The following MACROD2 variants were observed in gnomAD, a reference collection of about 807,000 sequenced individuals.
MACROD2 encodes the protein mono-ADP ribosylhydrolase 2.
In MACROD2, 36 loss-of-function variants were observed where a neutral mutation model predicts 70.4. The observed-to-expected ratio is 0.51, with a 90% CI of 0.39 to 0.68. The LOEUF (loss-of-function observed/expected upper bound fraction) is 0.68. Ranked by LOEUF, MACROD2 falls within the 30% of genes least tolerant of loss-of-function variation. MACROD2 has a pLI of 0.00. For missense variants in MACROD2, 496 were observed against 538.4 expected, an observed-to-expected ratio of 0.92 and a Z score of 0.78; for synonymous variants, 172 against 178.8, an observed-to-expected ratio of 0.96 and a Z score of 0.30.
chr20:14,818,533 T>C (rs748256362), intron 5 of MACROD2, among the ~76,000 whole-genome samples: 2 of 152,004 alleles, frequency 1.3e-5, no homozygotes, highest in Non-Finnish European at 2.9e-5. Flanking sequence ...ATTCAGATGA[T>C]TTCAAGATTT....
At chr20:15,590,172 C>T (rs2048658477) in intron 8 of MACROD2, among the ~76,000 whole-genome samples, 1 of 152,156 alleles carries the variant, frequency 6.6e-6, no homozygotes. Context: ...AATATTGTTA[C>T]TTTCAGCACT....
At chr20:15,961,322 A>G (rs2066057961) in intron 12 of MACROD2, among the ~76,000 whole-genome samples, 1 of 152,122 alleles carries the variant, frequency 6.6e-6, no homozygotes, top group African/African-American at 2.4e-5. Flanking sequence ...TCAACATAGT[A>G]TCTCCCACAA....
At position 15,843,360 on chromosome 20, in the gene MACROD2, T is replaced by C. The variant is rs141365736; in HGVS notation, c.646-19385T>C. The stretch of plus-strand genomic sequence containing the variant: ...TTGTAAATGTGCACTGTGAGCAGAG[T>C]GACATTTTTCATGTGGATGGTTTAT... On this transcript the variant is annotated intron_variant, in intron 8 of 17. Transcript: ENST00000684519. Among the ~76,000 whole-genome samples the C allele has an allele frequency of 3.0e-3, 455 of 152,220 alleles. 4 individuals carry two copies. The highest frequency in any genetic ancestry group is 0.01 in the African/African-American group (430 of 41,550).
intron 5 of MACROD2, among the ~76,000 whole-genome samples, chr20:14,852,952 T>C (rs1428076084): frequency 6.6e-6 from 1 of 152,046 alleles, no homozygotes; most frequent in Non-Finnish European, 1.5e-5. Flanking sequence ...CATAATCTCT[T>C]TGGGGAAGCA....
intron 8 of MACROD2, among the ~76,000 whole-genome samples, chr20:15,844,045 A>C (rs1253401910): frequency 6.6e-6 from 1 of 151,780 alleles, no homozygotes; most frequent in Non-Finnish European, 1.5e-5. Flanking sequence ...CCAAACATCT[A>C]GCATGCCTGC....
chr20:16,001,660 T>C (rs1048334072), intron 15 of MACROD2, among the ~76,000 whole-genome samples: 2 of 152,330 alleles, frequency 1.3e-5, no homozygotes, highest in East Asian at 3.9e-4. Context: ...AGATATTTCT[T>C]CTGAAAGAAA....
intron 4 of MACROD2, among the ~76,000 whole-genome samples, chr20:14,680,598 G>A (rs1399539350): frequency 2.6e-5 from 4 of 152,100 alleles, no homozygotes; most frequent in East Asian, 1.9e-4. Context: ...AGAATCTAAA[G>A]CCTCTACCAT....
chr20:15,122,953 GGTA>G (rs2076041406), intron 5 of MACROD2, among the ~76,000 whole-genome samples: 1 of 152,156 alleles, frequency 6.6e-6, no homozygotes, highest in African/African-American at 2.4e-5. Flanking sequence ...AGTGTGAGTA[GGTA>G]ATATCATGTT....
At chr20:15,423,714 C>A (rs920544707) in intron 6 of MACROD2, among the ~76,000 whole-genome samples, 3 of 152,122 alleles carry the variant, frequency 2.0e-5, no homozygotes, top group African/African-American at 7.2e-5. Flanking sequence ...CCCTAATTAC[C>A]TCCCAAAGGC....
intron 4 of MACROD2, among the ~76,000 whole-genome samples, chr20:14,577,299 C>T (rs1980662527): frequency 6.6e-6 from 1 of 152,134 alleles, no homozygotes; most frequent in South Asian, 2.1e-4. Context: ...TATGCTCAAC[C>T]TTGAGAAAAA....
chr20:14,725,518 A>AG (rs1322619207), intron 5 of MACROD2, among the ~76,000 whole-genome samples: 3 of 152,158 alleles, frequency 2.0e-5, no homozygotes, highest in Non-Finnish European at 4.4e-5. Context: ...GCTCATATAT[A>AG]GTAGCTTCTC....
chr20:14,318,101 A>G (rs1181821015), intron 3 of MACROD2, among the ~76,000 whole-genome samples: 1 of 152,220 alleles, frequency 6.6e-6, no homozygotes, highest in East Asian at 1.9e-4. Context: ...GCGAGTTTCC[A>G]GCAGTGATTC....
At chr20:14,687,358 T>C (rs999248181) in intron 5 of MACROD2, among the ~76,000 whole-genome samples, 6 of 152,216 alleles carry the variant, frequency 3.9e-5, no homozygotes, top group Non-Finnish European at 1.5e-5. Context: ...ACTGTGATAA[T>C]TTTTTAAATG....
intron 5 of MACROD2, among the ~76,000 whole-genome samples, chr20:15,017,253 A>G (rs2075128753): frequency 6.6e-6 from 1 of 152,198 alleles, no homozygotes; most frequent in Non-Finnish European, 1.5e-5. Context: ...CAAAGGGGTT[A>G]CAGGGCTCAT....
At chr20:15,168,046 T>C (rs115561456) in intron 5 of MACROD2, among the ~76,000 whole-genome samples, 2,581 of 152,286 alleles carry the variant, frequency 0.017, 24 homozygotes, top group Middle Eastern at 0.071. Flanking sequence ...ATAGCATGAC[T>C]AGGTAAACTG....
At chr20:15,885,737 T>C in intron 9 of MACROD2, 27 bp from the exon 10 acceptor site, 1 of 1,466,158 alleles carries the variant, frequency 6.8e-7, no homozygotes, top group Non-Finnish European at 9.1e-7. Flanking sequence ...TATAAGTATT[T>C]CTTTATGTTT....
Position 14,092,845 on chromosome 20 carries a change from C to T in MACROD2, c.271+7117C>T, listed in dbSNP as rs373268060. Among the ~76,000 whole-genome samples the T allele has an allele frequency of 1.8e-3, 278 of 152,264 alleles. 4 individuals are homozygous for T. The South Asian group carries it at 0.025, about 14-fold the overall frequency. ...CTACTGAATGGATTTAATACTACTG[C>T]TGTCTTTTCTGAGAGAACTCAGGTT... is the stretch of plus-strand genomic sequence containing the variant. On this transcript the variant is annotated intron_variant, in intron 3 of 17. Coordinates refer to ENST00000684519, the MANE Select transcript of MACROD2 (RefSeq NM_001351661.2).
At chr20:14,806,036 G>C (rs753504076) in intron 5 of MACROD2, among the ~76,000 whole-genome samples, 1 of 152,028 alleles carries the variant, frequency 6.6e-6, no homozygotes, top group Non-Finnish European at 1.5e-5. Flanking sequence ...ATAGTGCCTG[G>C]TACATAGTAA....
chr20:15,318,125 T>TA (rs1460252816), intron 6 of MACROD2, among the ~76,000 whole-genome samples: 9 of 152,162 alleles, frequency 5.9e-5, no homozygotes, highest in Non-Finnish European at 1.2e-4. Flanking sequence ...AAGTTGCACT[T>TA]AACTAAAATC....
Sources: gnomAD v4.1 joint callset for allele counts (sites outside exome capture counted in the v4.1 genomes callset) on GRCh38, gnomAD v4.1.1 for gene constraint, MANE v1.5 for transcripts, NCBI Gene and HGNC (gene_info 2026-07-23, HGNC 2026-07-21) for gene names.